Variants in DGKH observed in about 807,000 individuals in gnomAD.
DGKH encodes DAG kinase eta.
Under a neutral mutation model 159.3 loss-of-function variants are expected in DGKH, and 90 were observed. The observed-to-expected ratio is 0.57, with a 90% CI of 0.48 to 0.67. DGKH has a LOEUF of 0.67. Among genes scored for constraint, DGKH ranks in the 30% least tolerant of loss-of-function variants. The probability of loss-of-function intolerance (pLI) is 0.00; values close to 1 mark genes in which losing one functional copy is unlikely to be tolerated. For missense variants in DGKH, 1,181 were observed against 1,506.1 expected (o/e 0.78, Z 3.57); for synonymous variants, 536 against 553.8 (o/e 0.97, Z 0.45).
At chr13:42,050,262 T>C (rs988532077) in intron 1 of DGKH, among the ~76,000 whole-genome samples, 2 of 152,132 alleles carry the variant, frequency 1.3e-5, no homozygotes, top group Non-Finnish European at 2.9e-5. Context: ...TCCCAGCTCC[T>C]CGGGAGGCTG....
chr13:42,189,249 A>G lies in DGKH; in HGVS notation c.1852A>G (p.Met618Val), dbSNP rs1401689145. The G allele has an allele frequency of 6.2e-7, 1 of 1,614,130 alleles. No individual in the cohort carries two copies. The highest frequency in any genetic ancestry group is 1.7e-5 in the Admixed American group (1 of 60,000). ...SQKAVKPREI[M>V]LRANSLKKAV... is the part of the protein sequence containing the mutation. ...GAAAGCCGTCAAACCAAGGGAAATC[A>G]TGTTGCGGGCAAATAGTTTAAAGAA... The change falls in exon 15 of 30, where the codon ATG (methionine) becomes GTG (valine). Residue 618 changes from methionine (M) to valine (V), a missense_variant. Physicochemically the swap from Met to Val is conservative, Grantham distance 21. Around this residue, in one of 5 missense-constraint regions of DGKH, gnomAD observed 257 missense variants for 281.5 expected, o/e 0.91. Transcript: ENST00000337343.
intron 20 of DGKH, among the ~76,000 whole-genome samples, chr13:42,200,683 T>C (rs1957326928): frequency 6.6e-6 from 1 of 152,202 alleles, no homozygotes; most frequent in African/African-American, 2.4e-5. Context: ...TGGGGTGTTA[T>C]CCAAACACTG....
intron 26 of DGKH, 96 bp from the exon 27 acceptor site, chr13:42,219,134 G>T (rs1223098846): frequency 6.1e-6 from 9 of 1,475,306 alleles, no homozygotes; most frequent in Non-Finnish European, 8.2e-6. Context: ...TTAATAAGGA[G>T]TGAGGCTGTT....
At chr13:42,092,281 T>C (rs914017906) in intron 1 of DGKH, among the ~76,000 whole-genome samples, 1 of 152,192 alleles carries the variant, frequency 6.6e-6, no homozygotes. Context: ...TGAAGAAATA[T>C]CTGTACTCCC....
chr13:42,145,650 C>T (rs191076180), intron 3 of DGKH, among the ~76,000 whole-genome samples: 55 of 152,382 alleles, frequency 3.6e-4, no homozygotes, highest in African/African-American at 1.3e-3. Flanking sequence ...AAGGCCAAGA[C>T]ATCAGCGATG....
intron 1 of DGKH, among the ~76,000 whole-genome samples, chr13:42,118,527 T>A (rs1027584795): frequency 6.6e-6 from 1 of 152,208 alleles, no homozygotes; most frequent in Admixed American, 6.5e-5. Flanking sequence ...ATGGACACTG[T>A]TCAGTGTCAT....
chr13:42,167,501 G>A (rs553898099), intron 9 of DGKH, among the ~76,000 whole-genome samples: 1 of 152,256 alleles, frequency 6.6e-6, no homozygotes, highest in African/African-American at 2.4e-5. Flanking sequence ...TGGTGCCTCT[G>A]TTCACTTTTG....
At chr13:42,194,472 G>C (rs549842220) in intron 16 of DGKH, among the ~76,000 whole-genome samples, 10 of 152,170 alleles carry the variant, frequency 6.6e-5, no homozygotes, top group Non-Finnish European at 1.5e-4. Flanking sequence ...CATGTTTCAC[G>C]TGTTTGCTCT....
chr13:42,046,008 GT>G (rs1880776595), upstream of DGKH, among the ~76,000 whole-genome samples: 1 of 152,202 alleles, frequency 6.6e-6, no homozygotes, highest in Non-Finnish European at 1.5e-5. Context: ...TCTCTATTAA[GT>G]AAAAACCTAA....
chr13:42,226,046 T>C (rs1393568852), intron 29 of DGKH, among the ~76,000 whole-genome samples: 1 of 151,882 alleles, frequency 6.6e-6, no homozygotes, highest in Admixed American at 6.6e-5. Context: ...TTGCAATCTG[T>C]CCATCTGAAC....
intron 26 of DGKH, among the ~76,000 whole-genome samples, chr13:42,217,015 A>T (rs1594226845): frequency 6.6e-6 from 1 of 152,140 alleles, no homozygotes; most frequent in East Asian, 1.9e-4. Context: ...TTCCTTCTCC[A>T]CTTTTAATTT....
At chr13:42,212,982 C>G (rs1001948989) in intron 24 of DGKH, among the ~76,000 whole-genome samples, 1 of 152,146 alleles carries the variant, frequency 6.6e-6, no homozygotes, top group Non-Finnish European at 1.5e-5. Flanking sequence ...ATGCATGCTA[C>G]TTTCAGGAAA....
intron 3 of DGKH, among the ~76,000 whole-genome samples, chr13:42,134,120 T>C (rs1417582248): frequency 6.6e-6 from 1 of 152,222 alleles, no homozygotes; most frequent in Non-Finnish European, 1.5e-5. Context: ...ATGGAAAACC[T>C]GTGCTTTGCC....
In DGKH at chr13:42,169,637, G is replaced by A. The variant is rs547779134; in HGVS notation, c.1367+819G>A. Among the ~76,000 whole-genome samples, 38 of 152,110 alleles carry A rather than the reference G, an allele frequency of 2.5e-4. 1 individual carries two copies. Among genetic ancestry groups the A allele is most frequent in the Non-Finnish European group, 5.0e-4 (34 of 68,028 alleles). ...ATTAGCCATCTGTGGAACTCTTCCCGAAAATAACAAAATTTCACCAGGGAG... is the reference window on the plus strand; with the variant it reads ...ATTAGCCATCTGTGGAACTCTTCCCAAAAATAACAAAATTTCACCAGGGAG... On this transcript the variant is annotated intron_variant, in intron 11 of 29. Transcript: ENST00000337343.
chr13:42,206,981 TTC>T lies in DGKH; in HGVS notation c.2601+837_2601+838del, dbSNP rs1204951678. Among the ~76,000 whole-genome samples, 264 of 78,634 alleles carry T rather than the reference TTC, an allele frequency of 3.4e-3. 2 individuals carry two copies. The highest frequency in any genetic ancestry group is 5.3e-3 in the Middle Eastern group (1 of 188). 51.6% of individuals were successfully genotyped at this position (78,634 alleles called of 152,430 possible). ...ACCTTTTGGTACTTTTACTTTTTCT[TTC>T]TTTCTTTCTTTCTTTCTTTCTTTCT... On this transcript the variant is annotated intron_variant, in intron 21 of 29. Transcript: ENST00000337343.
At chr13:42,186,033 G>A (rs1006037962) in intron 13 of DGKH, among the ~76,000 whole-genome samples, 2 of 148,068 alleles carry the variant, frequency 1.4e-5, no homozygotes, top group Non-Finnish European at 3.0e-5. Flanking sequence ...GTGTGTGTGT[G>A]TGTGTGTGTG....
chr13:42,220,018 A>C (rs74818899), intron 28 of DGKH, among the ~76,000 whole-genome samples: 1 of 152,170 alleles, frequency 6.6e-6, no homozygotes, highest in Non-Finnish European at 1.5e-5. Context: ...CCTAAAACAC[A>C]TCTGAGTATC....
chr13:42,050,893 T>G (rs977821152), intron 1 of DGKH, among the ~76,000 whole-genome samples: 13 of 152,204 alleles, frequency 8.5e-5, no homozygotes, highest in Non-Finnish European at 4.4e-5. Context: ...ACGTGTATGT[T>G]ACATATTTAT....
intron 3 of DGKH, among the ~76,000 whole-genome samples, chr13:42,145,920 G>A (rs1955716640): frequency 6.6e-6 from 1 of 152,176 alleles, no homozygotes. Context: ...AAGAGCAGTA[G>A]GCTGAGTGTT....
Sources: allele counts gnomAD v4.1 joint callset (sites outside exome capture counted in the v4.1 genomes callset), GRCh38; gene constraint gnomAD v4.1.1; regional missense constraint gnomAD v4.1.1; transcripts MANE v1.5; gene names NCBI Gene and HGNC (gene_info 2026-07-23, HGNC 2026-07-21).